Variants in SHC4 observed in about 807,000 individuals in gnomAD.
The protein encoded by SHC4 is SHC adaptor protein 4, also known as SHC-transforming protein 4.
Under a neutral mutation model 69.4 loss-of-function variants are expected in SHC4, and 41 were observed. The observed-to-expected ratio is 0.59, with a 90% CI of 0.46 to 0.77. The LOEUF is 0.77. SHC4 is among the 30% of genes least tolerant of loss of function. The pLI, the probability that SHC4 is intolerant of heterozygous loss-of-function variation, is 0.00. For missense variants in SHC4, 777 were observed against 783.8 expected, an observed-to-expected ratio of 0.99 and a Z score of 0.10; for synonymous variants, 318 against 299.3, an observed-to-expected ratio of 1.06 and a Z score of -0.64.
intron 1 of SHC4, among the ~76,000 whole-genome samples, chr15:48,937,936 T>G (rs1233608021): frequency 1.3e-5 from 2 of 152,238 alleles, no homozygotes; most frequent in Non-Finnish European, 2.9e-5. Context: ...ATATTCAATT[T>G]TAATGTTGTT....
At chr15:48,867,059 G>A (rs1310147257) in intron 6 of SHC4, among the ~76,000 whole-genome samples, 2 of 152,176 alleles carry the variant, frequency 1.3e-5, no homozygotes, top group African/African-American at 2.4e-5. Flanking sequence ...GAACAACAGC[G>A]AGTAAGAGAA....
At chr15:48,935,280 T>C (rs1901046348) in intron 1 of SHC4, among the ~76,000 whole-genome samples, 1 of 152,164 alleles carries the variant, frequency 6.6e-6, no homozygotes, top group South Asian at 2.1e-4. Context: ...GTGGAGTTCA[T>C]TGCTCTTCCT....
intron 4 of SHC4, chr15:48,879,078 A>C: frequency 4.6e-6 from 1 of 216,584 alleles, no homozygotes; most frequent in Admixed American, 5.2e-5. Flanking sequence ...GTTTTGCAAG[A>C]ATAAGTCATG....
intron 11 of SHC4, among the ~76,000 whole-genome samples, chr15:48,831,037 C>CA (rs144480412): frequency 0.045 from 6,720 of 150,896 alleles, 181 homozygotes; most frequent in South Asian, 0.071. Context: ...TTAACAATAA[C>CA]AAAAAAGTTT....
rs386382928 is a variant in SHC4 at position 48,919,295 on chromosome 15, A to ATTTTTTTTTTTTTTTTTTTTTTTTTTTTT, written c.656+5583_656+5584insAAAAAAAAAAAAAAAAAAAAAAAAAAAAA. Among the ~76,000 whole-genome samples, 334 of 71,222 alleles carry ATTTTTTTTTTTTTTTTTTTTTTTTTTTTT rather than the reference A, an allele frequency of 4.7e-3. 80 individuals carry two copies. Among genetic ancestry groups the ATTTTTTTTTTTTTTTTTTTTTTTTTTTTT allele is most frequent in the Middle Eastern group, 0.017 (1 of 58 alleles). The allele number at this position is 71,222 out of a possible 152,430, so 46.7% of individuals were successfully genotyped here. On this transcript the variant is annotated intron_variant, in intron 2 of 11. Coordinates refer to ENST00000332408, the MANE Select transcript of SHC4 (RefSeq NM_203349.4). ...CTCACACTCTTAAAAATTTATTTTAATTTTTTTTTTTTTTTTTTTTGTAGA... is the reference window on the plus strand; with the variant it reads ...CTCACACTCTTAAAAATTTATTTTAATTTTTTTTTTTTTTTTTTTTTTTTTTTTTTTTTTTTTTTTTTTTTTTTTGTAGA...
intron 1 of SHC4, among the ~76,000 whole-genome samples, chr15:48,955,865 T>C (rs889600918): frequency 9.2e-5 from 14 of 152,158 alleles, no homozygotes; most frequent in African/African-American, 3.4e-4. Context: ...TGGGAGCTCT[T>C]GTCTGGGCTC....
intron 9 of SHC4, among the ~76,000 whole-genome samples, chr15:48,849,188 G>C (rs913616050): frequency 6.6e-6 from 1 of 151,938 alleles, no homozygotes; most frequent in East Asian, 1.9e-4. Flanking sequence ...GTCCTGGCAT[G>C]CTTAGTTCTG....
chr15:48,867,685 G>C, intron 6 of SHC4, 133 bp downstream of exon 6: 1 of 651,374 alleles, frequency 1.5e-6, no homozygotes, highest in Non-Finnish European at 2.5e-6. Context: ...ACTCAAATTT[G>C]CATAATATTT....
intron 2 of SHC4, among the ~76,000 whole-genome samples, chr15:48,912,806 CT>C (rs1900533024): frequency 6.6e-6 from 1 of 152,174 alleles, no homozygotes; most frequent in Non-Finnish European, 1.5e-5. Context: ...TTCTCTCCCC[CT>C]TTTCCTATGG....
chr15:48,924,855 C>T (rs1325447850), intron 2 of SHC4, 24 bp downstream of exon 2: 4 of 1,612,004 alleles, frequency 2.5e-6, no homozygotes, highest in African/African-American at 1.3e-5. Context: ...CTCCTCAAAG[C>T]CCCTCCCATT....
At chr15:48,858,848 T>C (rs1454006307) in intron 6 of SHC4, among the ~76,000 whole-genome samples, 6 of 152,164 alleles carry the variant, frequency 3.9e-5, no homozygotes, top group South Asian at 2.1e-4. Context: ...CAGTTTAATA[T>C]ACACAAGAGT....
intron 1 of SHC4, among the ~76,000 whole-genome samples, chr15:48,931,201 T>G (rs532663270): frequency 6.6e-5 from 10 of 152,204 alleles, no homozygotes; most frequent in Non-Finnish European, 8.8e-5. Context: ...ATACCAGTGA[T>G]TCTCAACCCT....
At chr15:48,888,140 A>C (rs1017374885) in intron 3 of SHC4, among the ~76,000 whole-genome samples, 3 of 152,258 alleles carry the variant, frequency 2.0e-5, no homozygotes, top group African/African-American at 7.2e-5. Context: ...AATTGAAAGG[A>C]AGGTCTCTAA....
chr15:48,832,362 A>G (rs1015254669), intron 11 of SHC4, among the ~76,000 whole-genome samples: 4 of 152,194 alleles, frequency 2.6e-5, no homozygotes, highest in Non-Finnish European at 2.9e-5. Flanking sequence ...TTTTGAATAT[A>G]TTGAACCCAC....
chr15:48,892,904 T>C (rs1190113440), intron 2 of SHC4, among the ~76,000 whole-genome samples: 2 of 150,782 alleles, frequency 1.3e-5, no homozygotes, highest in Admixed American at 6.6e-5. Context: ...TGATATGAAC[T>C]TAAAGTAAAA....
intron 5 of SHC4, among the ~76,000 whole-genome samples, chr15:48,870,384 AT>A (rs1899646485): frequency 6.6e-6 from 1 of 152,224 alleles, no homozygotes; most frequent in African/African-American, 2.4e-5. Context: ...GCTAATGGGA[AT>A]TCACAATTAG....
intron 5 of SHC4, among the ~76,000 whole-genome samples, chr15:48,868,959 G>C (rs1235711286): frequency 6.6e-6 from 1 of 152,216 alleles, no homozygotes; most frequent in Non-Finnish European, 1.5e-5. Context: ...TCTTATTCAA[G>C]TGAAGAGGTG....
intron 1 of SHC4, among the ~76,000 whole-genome samples, chr15:48,961,404 C>G (rs13380210): frequency 0.052 from 7,935 of 152,204 alleles, 601 homozygotes; most frequent in African/African-American, 0.17. Flanking sequence ...CTACAAGCCA[C>G]CCCCTCCCTC....
intron 2 of SHC4, among the ~76,000 whole-genome samples, chr15:48,906,910 A>G (rs1900414745): frequency 6.6e-6 from 1 of 152,194 alleles, no homozygotes; most frequent in Non-Finnish European, 1.5e-5. Context: ...TACTGCTCAG[A>G]CTCAATGACC....
Sources: allele counts gnomAD v4.1 joint callset (sites outside exome capture counted in the v4.1 genomes callset), GRCh38; gene constraint gnomAD v4.1.1; transcripts MANE v1.5; gene names NCBI Gene and HGNC (gene_info 2026-07-23, HGNC 2026-07-21).